Variants in IST1 observed in about 807,000 individuals in gnomAD.
The protein encoded by IST1 is IST1 homolog.
IST1 carries 23 observed loss-of-function variants against 37.0 expected under a neutral mutation model. The observed-to-expected ratio is 0.62, with a 90% CI of 0.45 to 0.88. The LOEUF (loss-of-function observed/expected upper bound fraction) is 0.88, where lower values mean the gene tolerates loss of function less well. Among genes scored for constraint, IST1 ranks in the 40% least tolerant of loss-of-function variants. The probability of loss-of-function intolerance (pLI) is 0.00; values close to 1 mark genes in which losing one functional copy is unlikely to be tolerated. For missense variants in IST1, 488 were observed against 445.4 expected, an observed-to-expected ratio of 1.10 and a Z score of -0.86; for synonymous variants, 180 against 161.7, an observed-to-expected ratio of 1.11 and a Z score of -0.86.
chr16:71,921,259 G>A, intron 5 of IST1, 84 bp from the exon 6 acceptor site: 1 of 804,440 alleles, frequency 1.2e-6, no homozygotes, highest in Non-Finnish European at 2.2e-6. Flanking sequence ...CCTGTAAAAT[G>A]AGAGGAGCTA....
chr16:71,926,896 TA>T (rs1228023795), intron 9 of IST1, among the ~76,000 whole-genome samples: 3 of 152,164 alleles, frequency 2.0e-5, no homozygotes, highest in Admixed American at 2.0e-4. Flanking sequence ...CAGATCAGAC[TA>T]TTATAACAAA....
chr16:71,922,411 C>G lies in IST1; in HGVS notation c.553-63C>G, dbSNP rs184304588. 7 of 1,404,218 alleles carry G rather than the reference C, an allele frequency of 5.0e-6. No homozygotes were observed. In the Admixed American group the frequency reaches 8.7e-5, roughly 18 times the overall value. The allele number at this position is 1,404,218 out of a possible 1,614,324, so 87.0% of individuals were successfully genotyped here. A position where few individuals can be genotyped will look rare whatever the true frequency, so the allele number is the denominator to read the frequency against. ...TTATGCTAATCTCCATCTCAGACTC[C>G]GCTTTCTGGGGAACCTGGCCTTGGA... On this transcript the variant is annotated intron_variant, in intron 6 of 9. Transcript: ENST00000378799.
intron 4 of IST1, among the ~76,000 whole-genome samples, chr16:71,919,503 C>G (rs1402773184): frequency 2.6e-5 from 4 of 152,262 alleles, no homozygotes; most frequent in Non-Finnish European, 5.9e-5. Context: ...CCTCCCACCT[C>G]AGCCCCCTGA....
At position 71,928,818 on chromosome 16, in the gene IST1, C is replaced by T. The variant is rs1200780993; in HGVS notation, c.*1005C>T. On this transcript the variant is annotated 3_prime_UTR_variant, in exon 10 of 10. Transcript: ENST00000378799. ...GGATGGGACTCTTATGTCATAACTT[C>T]TGTTACTCCTTTGGCCCATAGCTAA... The T allele has an allele frequency of 6.6e-6, 1 of 152,248 alleles. No individual in the cohort carries two copies. The highest frequency in any genetic ancestry group is 1.5e-5 in the Non-Finnish European group (1 of 68,060). The allele number at this position is 152,248 out of a possible 1,614,324, so 9.4% of individuals were successfully genotyped here.
intron 1 of IST1, among the ~76,000 whole-genome samples, chr16:71,906,351 A>C (rs1458478644): frequency 6.6e-6 from 1 of 151,632 alleles, no homozygotes; most frequent in Non-Finnish European, 1.5e-5. Context: ...CTTGTTGCCC[A>C]GGCTGGAATG....
intron 4 of IST1, among the ~76,000 whole-genome samples, chr16:71,919,447 G>A (rs528888312): frequency 2.0e-5 from 3 of 152,196 alleles, no homozygotes; most frequent in East Asian, 1.9e-4. Context: ...GCAGTGGCAC[G>A]ATCTTGCCTC....
intron 1 of IST1, among the ~76,000 whole-genome samples, chr16:71,899,350 G>A (rs574307921): frequency 4.6e-5 from 7 of 151,984 alleles, no homozygotes; most frequent in African/African-American, 9.6e-5. Flanking sequence ...AGGTTGAGGC[G>A]GGAGGATTGC....
rs539692342 is a variant in IST1, at chr16:71,896,350, C to T, written c.-16+761C>T. On this transcript the variant is annotated intron_variant, in intron 1 of 9. Coordinates refer to ENST00000378799, the MANE Select transcript of IST1 (RefSeq NM_001270975.2). ...AAAAGACACTGTCTGTCGTAGTAAA[C>T]TTAAAGTCTGGTCTTAGATCTTTAG... Among the ~76,000 whole-genome samples, 6 of 152,154 alleles carry T rather than the reference C, an allele frequency of 3.9e-5. No homozygotes were observed. The East Asian group carries it at 1.2e-3, about 29-fold the overall frequency.
intron 5 of IST1, 107 bp from the exon 6 acceptor site, chr16:71,921,236 T>TC (rs975568342): frequency 7.1e-6 from 5 of 703,008 alleles, no homozygotes; most frequent in Non-Finnish European, 1.3e-5. Context: ...AACCTTTTTT[T>TC]CCCTCAATAT....
At chr16:71,907,226 A>G (rs2037244197) in intron 1 of IST1, among the ~76,000 whole-genome samples, 2 of 141,296 alleles carry the variant, frequency 1.4e-5, no homozygotes, top group Non-Finnish European at 1.5e-5. Context: ...GAAAGGCCAT[A>G]TTTTAAATAA....
intron 6 of IST1, 36 bp from the exon 7 acceptor site, chr16:71,922,438 A>G (rs760642333): frequency 1.1e-5 from 18 of 1,577,972 alleles, no homozygotes; most frequent in Middle Eastern, 3.4e-4. Flanking sequence ...GGCCTTGGAC[A>G]TGGGTTAATG....
intron 1 of IST1, among the ~76,000 whole-genome samples, chr16:71,901,100 G>C (rs2037097490): frequency 6.6e-6 from 1 of 152,096 alleles, no homozygotes; most frequent in Non-Finnish European, 1.5e-5. Context: ...TTAACTTTTA[G>C]GTTATTATTT....
intron 2 of IST1, among the ~76,000 whole-genome samples, chr16:71,916,246 ACT>A (rs1388578260): frequency 6.6e-6 from 1 of 152,134 alleles, no homozygotes; most frequent in Admixed American, 6.5e-5. Context: ...AGGTCACCTG[ACT>A]CTTGAGTTGG....
Position 71,908,053 on chromosome 16 carries a change from T to G in IST1, c.-15-7573T>G, listed in dbSNP as rs575055896. 1.2e-3 allele frequency among the ~76,000 whole-genome samples: 180 copies of G among 152,142 alleles called. 1 individual carries two copies. The highest frequency in any genetic ancestry group is 2.1e-3 in the Non-Finnish European group (143 of 67,980). ...TCCGCCTCCCGGGTTCAAGCAGTTC[T>G]CTGCCTCAGCCTCCTGAGAAGCTGG... On this transcript the variant is annotated intron_variant, in intron 1 of 9. Coordinates refer to ENST00000378799, the MANE Select transcript of IST1 (RefSeq NM_001270975.2).
rs1567473757 is a variant in IST1 at position 71,923,380 on chromosome 16, T to C, written c.852T>C (p.Ser284=). ...CAGCAACTCCCCCATCGTATGAATC[T>C]GTAAGTGCCTGAGCCTCTTTTATAA... ...QIPATPPSYE[S]VDDINADKNI... Residue 284 remains serine (S), a splice_region_variant and synonymous_variant, in exon 8 of 10, where the codon TCT becomes TCC. Coordinates refer to ENST00000378799, the MANE Select transcript of IST1 (RefSeq NM_001270975.2). 1.3e-6 allele frequency: 2 copies of C among 1,585,050 alleles called. No individual in the cohort carries two copies. The highest frequency in any genetic ancestry group is 1.7e-6 in the Non-Finnish European group (2 of 1,153,890).
At chr16:71,899,158 A>G (rs1024244064) in intron 1 of IST1, among the ~76,000 whole-genome samples, 7 of 152,104 alleles carry the variant, frequency 4.6e-5, no homozygotes, top group African/African-American at 1.4e-4. Flanking sequence ...TGAATAACAC[A>G]TGATGCTGTT....
chr16:71,929,483 C>A lies in IST1; in HGVS notation c.*1670C>A. 1 of 1,448,864 alleles carries A rather than the reference C, an allele frequency of 6.9e-7. No individual in the cohort carries two copies. The highest frequency in any genetic ancestry group is 9.2e-7 in the Non-Finnish European group (1 of 1,086,292). 89.8% of individuals were successfully genotyped at this position (1,448,864 alleles called of 1,614,324 possible). A position where few individuals can be genotyped will look rare whatever the true frequency, so the allele number is the denominator to read the frequency against. ...ATTATAATTTTAAAGCTATGCCATG[C>A]AAAGATAAGTAGTAATACGCTAATA... On this transcript the variant is annotated 3_prime_UTR_variant, in exon 10 of 10. Coordinates refer to ENST00000378799, the MANE Select transcript of IST1 (RefSeq NM_001270975.2).
Position 71,930,439 on chromosome 16 carries a change from G to T in IST1, c.*2626G>T. On this transcript the variant is annotated 3_prime_UTR_variant, in exon 10 of 10. Coordinates refer to ENST00000378799, the MANE Select transcript of IST1 (RefSeq NM_001270975.2). ...AAAACAGGTGAGTTGCAGTGGAATT[G>T]GAAATGATTCAAATGTCACATGAGT... 3.2e-6 allele frequency: 1 copy of T among 310,614 alleles called. No homozygotes were observed. The allele number at this position is 310,614 out of a possible 1,614,324, so 19.2% of individuals were successfully genotyped here.
At chr16:71,911,667 A>G (rs191163948) in intron 1 of IST1, among the ~76,000 whole-genome samples, 35 of 151,128 alleles carry the variant, frequency 2.3e-4, no homozygotes, top group African/African-American at 8.3e-4. Context: ...CTCTGTATAC[A>G]TGTGAATGTG....
Sources: gnomAD v4.1 joint callset for allele counts (sites outside exome capture counted in the v4.1 genomes callset) on GRCh38, gnomAD v4.1.1 for gene constraint, MANE v1.5 for transcripts, NCBI Gene and HGNC (gene_info 2026-07-23, HGNC 2026-07-21) for gene names.